MARCHF10: variants seen among roughly 807,000 people sequenced by gnomAD.
The protein encoded by MARCHF10 is probable E3 ubiquitin-protein ligase MARCHF10.
MARCHF10 carries 64 observed loss-of-function variants against 76.2 expected under a neutral mutation model. The observed-to-expected ratio is 0.84, with a 90% CI of 0.69 to 1.03. The LOEUF is 1.03. MARCHF10 is among the 50% of genes least tolerant of loss of function. MARCHF10 has a pLI of 0.00. For synonymous variants in MARCHF10, 340 were observed against 357.5 expected, an observed-to-expected ratio of 0.95 and a Z score of 0.55; for missense variants, 875 against 958.0, an observed-to-expected ratio of 0.91 and a Z score of 1.14.
At chr17:62,792,830 T>C (rs111169144) in intron 2 of MARCHF10, among the ~76,000 whole-genome samples, 503 of 27,602 alleles carry the variant, frequency 0.018, 8 homozygotes, top group African/African-American at 0.066. Flanking sequence ...CCACCTCCAC[T>C]GCCACCACCA....
intron 1 of MARCHF10, 109 bp downstream of exon 1, chr17:62,807,968 A>T (rs1212649397): frequency 6.6e-6 from 1 of 152,204 alleles, no homozygotes; most frequent in Non-Finnish European, 1.5e-5. Context: ...CGGCCAGGCC[A>T]CCGGATGTCA....
intron 4 of MARCHF10, among the ~76,000 whole-genome samples, chr17:62,749,345 G>A (rs2091818375): frequency 6.6e-6 from 1 of 152,180 alleles, no homozygotes; most frequent in African/African-American, 2.4e-5. Flanking sequence ...CAAAAAGGAA[G>A]CATAAAAGGG....
intron 6 of MARCHF10, chr17:62,726,051 G>C (rs1156703419): frequency 6.6e-6 from 1 of 152,182 alleles, no homozygotes; most frequent in Non-Finnish European, 1.5e-5. Context: ...CAATAAACCT[G>C]GACACAATCT....
chr17:62,742,667 C>CTCCT (rs201546814), intron 5 of MARCHF10, among the ~76,000 whole-genome samples: 9 of 148,224 alleles, frequency 6.1e-5, no homozygotes, highest in African/African-American at 1.7e-4. Context: ...GCTTACCTTT[C>CTCCT]TCCTTCCTTC....
In MARCHF10 at chr17:62,742,913, G is replaced by A. The variant is rs1397054822; in HGVS notation, c.535+1463C>T. On this transcript the variant is annotated intron_variant, in intron 5 of 10. Coordinates refer to ENST00000311269, the MANE Select transcript of MARCHF10 (RefSeq NM_152598.4). The stretch of plus-strand genomic sequence containing the variant: ...CTCCTATAGTGCTGGGATTACAGGG[G>A]TGAGCCACCCTGTCTGGTGAACCTC... Among the ~76,000 whole-genome samples, 3 of 151,890 alleles carry A rather than the reference G, an allele frequency of 2.0e-5. No homozygotes were observed. The East Asian group carries it at 5.8e-4, about 29-fold the overall frequency.
At position 62,779,425 on chromosome 17, in the gene MARCHF10, T is replaced by C. The variant is rs75073724; in HGVS notation, c.210+9055A>G. Among the ~76,000 whole-genome samples, 1,331 of 152,224 alleles carry C rather than the reference T, an allele frequency of 8.7e-3. 15 individuals carry two copies. The highest frequency in any genetic ancestry group is 0.03 in the African/African-American group (1,234 of 41,538). On this transcript the variant is annotated intron_variant, in intron 3 of 10. Transcript: ENST00000311269. ...TGTAAAGGGTGTCAGTGGGTTGACA[T>C]TGACAGATTAATGGGAGGATGTCTC...
rs2089927051 is a variant in MARCHF10 at position 62,711,461 on chromosome 17, C to T, written c.2215-117G>A. The T allele has an allele frequency of 1.1e-6, 1 of 905,266 alleles. No homozygotes were observed. Among genetic ancestry groups the T allele is most frequent in the East Asian group, 2.7e-5 (1 of 37,702 alleles). The allele number at this position is 905,266 out of a possible 1,614,324, so 56.1% of individuals were successfully genotyped here. ...AGAACTGGGAGAAGAGCCCAAGCTC[C>T]AAGGCAAGGCCTGCTCTTGGGGACC... is the stretch of plus-strand genomic sequence containing the variant. On this transcript the variant is annotated intron_variant, in intron 8 of 10. Coordinates refer to ENST00000311269, the MANE Select transcript of MARCHF10 (RefSeq NM_152598.4). The surrounding 1 kb of genome is among the most constrained non-coding windows in gnomAD (Gnocchi z 4.4).
At chr17:62,769,720 C>T (rs1037182812) in intron 3 of MARCHF10, among the ~76,000 whole-genome samples, 1 of 152,140 alleles carries the variant, frequency 6.6e-6, no homozygotes, top group Non-Finnish European at 1.5e-5. Flanking sequence ...AGCCTAATTC[C>T]ACATTCCTTT....
rs774307604 is a variant in MARCHF10 at position 62,736,230 on chromosome 17, A to G, written c.1638T>C (p.Asp546=). 8.1e-6 allele frequency: 13 copies of G among 1,614,208 alleles called. No individual in the cohort carries two copies. Among genetic ancestry groups the G allele is most frequent in the Non-Finnish European group, 1.0e-5 (12 of 1,180,044 alleles). ...AHEFAVREAE[D]TTLTSQPQGA... is the part of the protein sequence containing the mutation. ...CCTGAGGCTGGCTTGTTAAAGTAGTATCTTCTGCTTCCCTGACAGCAAATT... is the reference window on the plus strand; with the variant it reads ...CCTGAGGCTGGCTTGTTAAAGTAGTGTCTTCTGCTTCCCTGACAGCAAATT... Residue 546 remains aspartate (D), a synonymous_variant, in exon 6 of 11, where the codon GAT becomes GAC. Transcript: ENST00000311269.
chr17:62,713,355 A>G (rs1169606071), intron 8 of MARCHF10, among the ~76,000 whole-genome samples: 1 of 152,190 alleles, frequency 6.6e-6, no homozygotes, highest in East Asian at 1.9e-4. Flanking sequence ...CAGGAAAATC[A>G]TTTACTTTTT....
At chr17:62,726,959 G>C (rs1054553414) in intron 6 of MARCHF10, among the ~76,000 whole-genome samples, 1 of 152,138 alleles carries the variant, frequency 6.6e-6, no homozygotes, top group Non-Finnish European at 1.5e-5. Context: ...GCAACTACAC[G>C]GGATTTGCAT....
At chr17:62,741,858 CTAAT>C (rs947488237) in intron 5 of MARCHF10, among the ~76,000 whole-genome samples, 4 of 151,708 alleles carry the variant, frequency 2.6e-5, no homozygotes, top group African/African-American at 9.7e-5. Context: ...CCACGCCTGG[CTAAT>C]TTTTTTTTTG....
chr17:62,702,292 G>T (rs902212614), intron 10 of MARCHF10, among the ~76,000 whole-genome samples: 7 of 152,032 alleles, frequency 4.6e-5, no homozygotes, highest in African/African-American at 1.7e-4. Flanking sequence ...TTATTCTTCG[G>T]GGAAACTCTT....
intron 3 of MARCHF10, among the ~76,000 whole-genome samples, chr17:62,771,962 T>C (rs1394687484): frequency 6.6e-6 from 1 of 152,168 alleles, no homozygotes; most frequent in Non-Finnish European, 1.5e-5. Flanking sequence ...AGGAGGCCAC[T>C]GCAGTAACTC....
At chr17:62,704,278 G>A (rs2089438769) in intron 10 of MARCHF10, among the ~76,000 whole-genome samples, 1 of 151,962 alleles carries the variant, frequency 6.6e-6, no homozygotes, top group African/African-American at 2.4e-5. Flanking sequence ...CGACACAAAG[G>A]TCTTTTAAAG....
At chr17:62,800,897 T>C (rs1176807634) in intron 2 of MARCHF10, among the ~76,000 whole-genome samples, 2 of 152,340 alleles carry the variant, frequency 1.3e-5, no homozygotes, top group South Asian at 4.1e-4. Flanking sequence ...AGTTAGCTCA[T>C]TGTAAAATGT....
At chr17:62,758,734 G>A (rs1345987657) in intron 4 of MARCHF10, among the ~76,000 whole-genome samples, 1 of 152,216 alleles carries the variant, frequency 6.6e-6, no homozygotes, top group East Asian at 1.9e-4. Context: ...TGGATGGGTG[G>A]TTGCACCGCA....
chr17:62,803,856 T>C (rs1428319199), intron 1 of MARCHF10, among the ~76,000 whole-genome samples: 2 of 152,208 alleles, frequency 1.3e-5, no homozygotes, highest in Non-Finnish European at 1.5e-5. Context: ...GGATAGGCCT[T>C]GTTCTAAGCA....
intron 2 of MARCHF10, among the ~76,000 whole-genome samples, chr17:62,791,815 T>C (rs1477618748): frequency 1.3e-5 from 2 of 152,052 alleles, no homozygotes; most frequent in African/African-American, 2.4e-5. Context: ...CTGTCAGCTG[T>C]TGATGTTGTT....
Sources: gnomAD v4.1 joint callset for allele counts (sites outside exome capture counted in the v4.1 genomes callset) on GRCh38, gnomAD v4.1.1 for gene constraint, Gnocchi (gnomAD v3.1) non-coding constraint, MANE v1.5 for transcripts, NCBI Gene and HGNC (gene_info 2026-07-23, HGNC 2026-07-21) for gene names.